Variants in TAF4B observed in about 807,000 individuals in gnomAD.
TAF4B encodes the protein transcription initiation factor TFIID subunit 4B.
TAF4B carries 38 observed loss-of-function variants against 86.4 expected under a neutral mutation model. The ratio of observed to expected loss-of-function variants is 0.44; its 90% CI spans 0.34 to 0.58. The LOEUF (loss-of-function observed/expected upper bound fraction) is 0.58. TAF4B is among the 20% of genes least tolerant of loss of function. The pLI is 0.02. For synonymous variants in TAF4B, 388 were observed against 391.2 expected, an observed-to-expected ratio of 0.99 and a Z score of 0.10; for missense variants, 988 against 1,027.6, an observed-to-expected ratio of 0.96 and a Z score of 0.53.
intron 13 of TAF4B, among the ~76,000 whole-genome samples, chr18:26,347,501 A>G (rs2057209605): frequency 6.6e-6 from 1 of 152,242 alleles, no homozygotes; most frequent in Non-Finnish European, 1.5e-5. Context: ...ATACTAAAAG[A>G]TGAAGAAAGG....
intron 9 of TAF4B, among the ~76,000 whole-genome samples, chr18:26,308,539 A>C (rs1209749694): frequency 6.6e-6 from 1 of 152,160 alleles, no homozygotes; most frequent in Non-Finnish European, 1.5e-5. Context: ...AGAGACAGTT[A>C]TAATGCTGTG....
chr18:26,270,125 A>G (rs2056294590), intron 3 of TAF4B, among the ~76,000 whole-genome samples: 1 of 152,218 alleles, frequency 6.6e-6, no homozygotes, highest in Non-Finnish European at 1.5e-5. Flanking sequence ...TAGCAACATG[A>G]TCTTAGATAC....
chr18:26,289,487 C>T (rs565159216), intron 7 of TAF4B, among the ~76,000 whole-genome samples: 2 of 151,996 alleles, frequency 1.3e-5, no homozygotes, highest in Admixed American at 6.6e-5. Context: ...TGTTTTGTTT[C>T]GTTTCGCTTT....
intron 9 of TAF4B, among the ~76,000 whole-genome samples, chr18:26,297,831 T>C (rs1416883604): frequency 6.6e-6 from 1 of 152,128 alleles, no homozygotes; most frequent in Non-Finnish European, 1.5e-5. Context: ...GGACATAGAT[T>C]TTCTTTTCTA....
intron 1 of TAF4B, among the ~76,000 whole-genome samples, chr18:26,231,344 G>GTTTCT: frequency 1.6e-5 from 1 of 60,788 alleles, no homozygotes; most frequent in Non-Finnish European, 2.9e-5. Context: ...AGCTGCTTGG[G>GTTTCT]GTTTTTTTTT....
chr18:26,377,587 G>A (rs2057451151), intron 14 of TAF4B, among the ~76,000 whole-genome samples: 1 of 152,172 alleles, frequency 6.6e-6, no homozygotes, highest in Non-Finnish European at 1.5e-5. Context: ...GCTTTAACTT[G>A]AATGTGTTAT....
intron 6 of TAF4B, 36 bp downstream of exon 6, chr18:26,282,096 AT>A: frequency 6.8e-7 from 1 of 1,464,790 alleles, no homozygotes; most frequent in Non-Finnish European, 9.5e-7. Flanking sequence ...AATAATTTGG[AT>A]TAGATTACTC....
rs1366071323 is a variant in TAF4B, at chr18:26,391,391, A to G, written c.*1379A>G. Reference sequence around the variant, plus strand: ...AAAAAAAAAACACCTCACGTATGTTATTCTTCATCCTGTTCTTCCCATTGG... The same window carrying G: ...AAAAAAAAAACACCTCACGTATGTTGTTCTTCATCCTGTTCTTCCCATTGG... On this transcript the variant is annotated 3_prime_UTR_variant, in exon 15 of 15. Coordinates refer to ENST00000269142, the MANE Select transcript of TAF4B (RefSeq NM_005640.3). 6.6e-6 allele frequency: 1 copy of G among 150,658 alleles called. No homozygotes were observed. Among genetic ancestry groups the G allele is most frequent in the Non-Finnish European group, 1.5e-5 (1 of 67,758 alleles). The allele number at this position is 150,658 out of a possible 1,614,324, so 9.3% of individuals were successfully genotyped here. A position where few individuals can be genotyped will look rare whatever the true frequency, so the allele number is the denominator to read the frequency against.
intron 9 of TAF4B, among the ~76,000 whole-genome samples, 155 bp downstream of exon 9, chr18:26,293,686 A>C (rs2056625671): frequency 6.6e-6 from 1 of 152,190 alleles, no homozygotes; most frequent in African/African-American, 2.4e-5. Flanking sequence ...AATAAAATGC[A>C]CAACTATTAA....
At chr18:26,374,653 A>G (rs1367225708) in intron 14 of TAF4B, among the ~76,000 whole-genome samples, 1 of 152,222 alleles carries the variant, frequency 6.6e-6, no homozygotes, top group Non-Finnish European at 1.5e-5. Flanking sequence ...AGTTTAAATG[A>G]TGGTTAATTT....
intron 1 of TAF4B, among the ~76,000 whole-genome samples, chr18:26,237,916 G>A (rs561025849): frequency 1.3e-5 from 2 of 152,206 alleles, no homozygotes; most frequent in African/African-American, 2.4e-5. Flanking sequence ...ATGCCTGAGC[G>A]TTTCCCATCA....
At chr18:26,249,500 G>A (rs1435508773) in intron 1 of TAF4B, among the ~76,000 whole-genome samples, 4 of 151,836 alleles carry the variant, frequency 2.6e-5, no homozygotes, top group South Asian at 2.1e-4. Context: ...GATCATTTAC[G>A]GTGAATTGAG....
intron 7 of TAF4B, among the ~76,000 whole-genome samples, chr18:26,290,765 C>T (rs2056581546): frequency 6.6e-6 from 1 of 152,076 alleles, no homozygotes; most frequent in Non-Finnish European, 1.5e-5. Flanking sequence ...TACTGTCTTT[C>T]ATAATTAAAA....
chr18:26,287,776 G>A (rs568011394), intron 7 of TAF4B, among the ~76,000 whole-genome samples: 79 of 152,178 alleles, frequency 5.2e-4, no homozygotes, highest in Non-Finnish European at 7.6e-4. Flanking sequence ...AGAATAAGAG[G>A]TATCTGAGTG....
At chr18:26,289,994 T>A (rs2056572856) in intron 7 of TAF4B, among the ~76,000 whole-genome samples, 1 of 152,210 alleles carries the variant, frequency 6.6e-6, no homozygotes, top group African/African-American at 2.4e-5. Flanking sequence ...AAAAATAGTA[T>A]GAAGACTAAC....
chr18:26,309,771 G>A (rs1441828303), intron 9 of TAF4B, among the ~76,000 whole-genome samples: 1 of 151,982 alleles, frequency 6.6e-6, no homozygotes, highest in East Asian at 1.9e-4. Context: ...TACAGATAAG[G>A]GGATCAATGA....
chr18:26,390,593 TCTGCTTCATATCACCATATGCC>T lies in TAF4B; in HGVS notation c.*582_*603del, dbSNP rs1321966119. 6.6e-6 allele frequency: 1 copy of T among 152,266 alleles called. No homozygotes were observed. Among genetic ancestry groups the T allele is most frequent in the African/African-American group, 2.4e-5 (1 of 41,456 alleles). 9.4% of individuals were successfully genotyped at this position (152,266 alleles called of 1,614,324 possible). The stretch of plus-strand genomic sequence containing the variant: ...AGATTGTGCCTGGGGTTGCTAATTC[TCTGCTTCATATCACCATATGCC>T]GTTTCTGGTACCAAGTGAGGGGACA... On this transcript the variant is annotated 3_prime_UTR_variant, in exon 15 of 15. Coordinates refer to ENST00000269142, the MANE Select transcript of TAF4B (RefSeq NM_005640.3).
intron 1 of TAF4B, among the ~76,000 whole-genome samples, chr18:26,233,441 G>A (rs1180097264): frequency 1.3e-5 from 2 of 152,192 alleles, no homozygotes; most frequent in Non-Finnish European, 2.9e-5. Context: ...CAGGGAGGAA[G>A]TGATGATTTT....
In TAF4B at chr18:26,289,265, C is replaced by G. The variant is rs538268568; in HGVS notation, c.1590+2766C>G. Among the ~76,000 whole-genome samples, 3 of 152,314 alleles carry G rather than the reference C, an allele frequency of 2.0e-5. 1 individual carries two copies. The highest frequency in any genetic ancestry group is 7.2e-5 in the African/African-American group (3 of 41,580). On this transcript the variant is annotated intron_variant, in intron 7 of 14. Transcript: ENST00000269142. ...CTAGTTCTAAGTGAGGAGGAAAACA[C>G]TCAAGTTGCTATAAAATAACGTATT...
Sources: gnomAD v4.1 joint callset for allele counts (sites outside exome capture counted in the v4.1 genomes callset) on GRCh38, gnomAD v4.1.1 for gene constraint, MANE v1.5 for transcripts, NCBI Gene and HGNC (gene_info 2026-07-23, HGNC 2026-07-21) for gene names.